Variants in ATXN1 observed in about 807,000 individuals in gnomAD.
ATXN1 encodes the protein ataxin 1.
Under a neutral mutation model 56.4 loss-of-function variants are expected in ATXN1, and 8 were observed. The ratio of observed to expected loss-of-function variants is 0.14; its 90% CI spans 0.08 to 0.26. The LOEUF is 0.26. Among genes scored for constraint, ATXN1 ranks in the 10% least tolerant of loss-of-function variants. ATXN1 has a pLI of 1.00. For synonymous variants in ATXN1, 514 were observed against 494.6 expected, an observed-to-expected ratio of 1.04 and a Z score of -0.52; for missense variants, 987 against 1,106.5, an observed-to-expected ratio of 0.89 and a Z score of 1.53.
At chr6:16,713,942 G>C (rs556264016) in intron 2 of ATXN1, among the ~76,000 whole-genome samples, 1 of 152,292 alleles carries the variant, frequency 6.6e-6, no homozygotes, top group East Asian at 1.9e-4. Flanking sequence ...TGGATCACAT[G>C]AGGCCAGAAG....
chr6:16,442,180 C>T (rs1016247123), intron 6 of ATXN1, among the ~76,000 whole-genome samples: 2 of 152,134 alleles, frequency 1.3e-5, no homozygotes, highest in Admixed American at 1.3e-4. Context: ...TAGCGTGACA[C>T]TCAGGAAAGA....
chr6:16,530,734 C>T (rs72825516), intron 4 of ATXN1, among the ~76,000 whole-genome samples: 43,658 of 151,994 alleles, frequency 0.29, 6,532 homozygotes, highest in Non-Finnish European at 0.33. Flanking sequence ...AACCTGCACA[C>T]GTACATCTGA....
At chr6:16,418,546 C>CTTTTT in intron 6 of ATXN1, among the ~76,000 whole-genome samples, 1 of 152,014 alleles carries the variant, frequency 6.6e-6, no homozygotes, top group African/African-American at 2.4e-5. Flanking sequence ...TGCAATACTC[C>CTTTTT]TTTTTTTTAT....
intron 2 of ATXN1, among the ~76,000 whole-genome samples, chr6:16,706,944 T>C (rs1759422572): frequency 6.6e-6 from 1 of 152,182 alleles, no homozygotes; most frequent in South Asian, 2.1e-4. Flanking sequence ...CTAACAGCTA[T>C]TGAATCTCTA....
At chr6:16,366,072 T>G (rs1254309029) in intron 6 of ATXN1, among the ~76,000 whole-genome samples, 1 of 152,252 alleles carries the variant, frequency 6.6e-6, no homozygotes, top group Non-Finnish European at 1.5e-5. Flanking sequence ...TAAATCTTGG[T>G]CTGCCCAACA....
intron 4 of ATXN1, among the ~76,000 whole-genome samples, chr6:16,525,221 C>T (rs755439950): frequency 6.6e-6 from 1 of 152,134 alleles, no homozygotes; most frequent in Non-Finnish European, 1.5e-5. Context: ...TCTGCACTTC[C>T]TCTGTTTGTT....
chr6:16,381,777 A>G (rs1391720335), intron 6 of ATXN1, among the ~76,000 whole-genome samples: 1 of 152,186 alleles, frequency 6.6e-6, no homozygotes. Flanking sequence ...CACAGTGAAC[A>G]TTACAGCAGA....
At chr6:16,691,868 A>G (rs985276150) in intron 2 of ATXN1, among the ~76,000 whole-genome samples, 5 of 152,160 alleles carry the variant, frequency 3.3e-5, no homozygotes, top group Admixed American at 3.3e-4. Context: ...GCCCTCTTGA[A>G]TGGAATTAGC....
At chr6:16,590,300 C>T (rs1030580530) in intron 3 of ATXN1, among the ~76,000 whole-genome samples, 3 of 152,086 alleles carry the variant, frequency 2.0e-5, no homozygotes. Context: ...CAGGAAAATA[C>T]AGGCAAGACT....
chr6:16,723,852 C>T (rs1240095162), intron 2 of ATXN1, among the ~76,000 whole-genome samples: 1 of 152,020 alleles, frequency 6.6e-6, no homozygotes, highest in East Asian at 1.9e-4. Context: ...GTAACATTTC[C>T]ACAGTATGAA....
At chr6:16,549,361 T>A (rs1761874045) in intron 4 of ATXN1, among the ~76,000 whole-genome samples, 1 of 152,226 alleles carries the variant, frequency 6.6e-6, no homozygotes. Flanking sequence ...TGAGTTGCAC[T>A]AGGACATTAC....
chr6:16,528,667 A>G (rs990236290), intron 4 of ATXN1, among the ~76,000 whole-genome samples: 1 of 152,156 alleles, frequency 6.6e-6, no homozygotes, highest in Non-Finnish European at 1.5e-5. Context: ...TTTATCTATT[A>G]TCTTTAATCC....
At chr6:16,681,191 C>G (rs191794663) in intron 2 of ATXN1, among the ~76,000 whole-genome samples, 239 of 152,328 alleles carry the variant, frequency 1.6e-3, no homozygotes, top group African/African-American at 5.6e-3. Context: ...CTCTGTTCCT[C>G]TTGGAAGAAA....
intron 7 of ATXN1, among the ~76,000 whole-genome samples, chr6:16,321,674 C>G (rs1760656189): frequency 6.6e-6 from 1 of 152,224 alleles, no homozygotes; most frequent in Non-Finnish European, 1.5e-5. Context: ...CATCTTTCCA[C>G]AGTCTTAATG....
chr6:16,449,314 T>G (rs560170353), intron 6 of ATXN1, among the ~76,000 whole-genome samples: 1 of 152,166 alleles, frequency 6.6e-6, no homozygotes, highest in Non-Finnish European at 1.5e-5. Flanking sequence ...AAACATGTAG[T>G]ATAAAATGGT....
rs1285490562 is a variant in ATXN1, at chr6:16,678,658, A to G, written c.-614-20757T>C. Among the ~76,000 whole-genome samples, 7 of 152,246 alleles carry G rather than the reference A, an allele frequency of 4.6e-5. No homozygotes were observed. In the East Asian group the frequency reaches 1.3e-3, roughly 29 times the overall value. On this transcript the variant is annotated intron_variant, in intron 2 of 7. Transcript: ENST00000436367. ...ATACTAATAATTTTCTGATTTAAAT[A>G]TAAGTAGACATCACCATATTAATTT... is the stretch of plus-strand genomic sequence containing the variant.
At chr6:16,513,819 T>C (rs938683567) in intron 5 of ATXN1, among the ~76,000 whole-genome samples, 1 of 152,078 alleles carries the variant, frequency 6.6e-6, no homozygotes, top group Non-Finnish European at 1.5e-5. Flanking sequence ...AAAGCTTTCC[T>C]GTTCTGTCAC....
At chr6:16,742,327 C>T (rs1326417342) in intron 2 of ATXN1, among the ~76,000 whole-genome samples, 1 of 152,204 alleles carries the variant, frequency 6.6e-6, no homozygotes, top group Non-Finnish European at 1.5e-5. Context: ...ATACTTCTCT[C>T]TAGTCTGGGT....
chr6:16,629,003 G>A (rs1160293663), intron 3 of ATXN1, among the ~76,000 whole-genome samples: 2 of 152,144 alleles, frequency 1.3e-5, no homozygotes, highest in African/African-American at 4.8e-5. Context: ...GGATTGCTGG[G>A]TCGAATGGTA....
Sources: allele counts gnomAD v4.1 joint callset (sites outside exome capture counted in the v4.1 genomes callset), GRCh38; gene constraint gnomAD v4.1.1; transcripts MANE v1.5; gene names NCBI Gene and HGNC (gene_info 2026-07-23, HGNC 2026-07-21).